Variants in NSD2 observed in about 807,000 individuals in gnomAD.
The protein encoded by NSD2 is nuclear receptor binding SET domain protein 2.
A neutral mutation model predicts 139.0 loss-of-function variants in NSD2; 12 were observed. That is an observed-to-expected ratio of 0.09 (90% CI 0.06 to 0.14). The LOEUF is 0.14. Ranked by LOEUF, NSD2 falls within the 10% of genes least tolerant of loss-of-function variation. The probability of loss-of-function intolerance (pLI) is 1.00; values close to 1 mark genes in which losing one functional copy is unlikely to be tolerated. For synonymous variants in NSD2, 669 were observed against 648.7 expected (o/e 1.03, Z -0.48); for missense variants, 1,155 against 1,745.0 (o/e 0.66, Z 6.02).
chr4:1,900,853 G>T lies in NSD2; in HGVS notation c.199G>T (p.Gly67Cys), dbSNP rs202235551. 5.0e-6 allele frequency: 8 copies of T among 1,613,446 alleles called. No individual in the cohort carries two copies. Among genetic ancestry groups the T allele is most frequent in the Non-Finnish European group, 6.8e-6 (8 of 1,179,722 alleles). The change falls in exon 2 of 22, where the codon GGC becomes TGC. Residue 67 changes from glycine to cysteine, a missense_variant. By Grantham distance (159) the Gly-to-Cys change is radical. Coordinates refer to ENST00000508803, the MANE Select transcript of NSD2 (RefSeq NM_001042424.3). ...GGAGGGGGTCATGCAGAAGTTTAAC[G>T]GCCACGACGCCCTGCCCTTTATTCC... is the stretch of plus-strand genomic sequence containing the variant. ...LQEGVMQKFN[G>C]HDALPFIPAD...
rs1007946328 is a variant in NSD2, at chr4:1,947,918, G to A, written c.1882-3154G>A. 2.0e-5 allele frequency: 21 copies of A among 1,056,524 alleles called. 1 individual carries two copies. Among genetic ancestry groups the A allele is most frequent in the Middle Eastern group, 4.3e-4 (1 of 2,346 alleles). The allele number at this position is 1,056,524 out of a possible 1,614,324, so 65.4% of individuals were successfully genotyped here. A position where few individuals can be genotyped will look rare whatever the true frequency, so the allele number is the denominator to read the frequency against. On this transcript the variant is annotated intron_variant, in intron 9 of 21. Coordinates refer to ENST00000508803, the MANE Select transcript of NSD2 (RefSeq NM_001042424.3). ...GGTGAGCGCTTTGCAGTCACAGAAGGTGGCATCTGACTGCGGCTCATACAG... is the reference window on the plus strand; with the variant it reads ...GGTGAGCGCTTTGCAGTCACAGAAGATGGCATCTGACTGCGGCTCATACAG...
intron 5 of NSD2, among the ~76,000 whole-genome samples, chr4:1,930,091 C>A (rs932848439): frequency 6.6e-6 from 1 of 152,070 alleles, no homozygotes; most frequent in Non-Finnish European, 1.5e-5. Flanking sequence ...AGGGAAGCCT[C>A]GTCTTTTGGC....
intron 18 of NSD2, among the ~76,000 whole-genome samples, chr4:1,966,931 G>C (rs1725949391): frequency 6.6e-6 from 1 of 152,054 alleles, no homozygotes. Flanking sequence ...ATATAATCAA[G>C]TTATAACATT....
intron 3 of NSD2, among the ~76,000 whole-genome samples, chr4:1,913,821 A>G (rs113101869): frequency 3.3e-5 from 5 of 151,474 alleles, no homozygotes; most frequent in African/African-American, 7.3e-5. Context: ...CTTTTCTTCA[A>G]TCTCTTTGTC....
In NSD2 at chr4:1,965,769, G is replaced by A. The variant is rs1216315476; in HGVS notation, c.3372+4618G>A. ...GGTGAAGGGTACCTTTGCACATGGC[G>A]GCAGGAGAGAGAAGTGTGTGAGAGC... On this transcript the variant is annotated intron_variant, in intron 18 of 21. Coordinates refer to ENST00000508803, the MANE Select transcript of NSD2 (RefSeq NM_001042424.3). Among the ~76,000 whole-genome samples, 6 of 152,138 alleles carry A rather than the reference G, an allele frequency of 3.9e-5. No homozygotes were observed. In the South Asian group the frequency reaches 1.2e-3, roughly 32 times the overall value.
intron 4 of NSD2, among the ~76,000 whole-genome samples, chr4:1,917,310 TACAC>T (rs748599545): frequency 6.6e-5 from 10 of 152,252 alleles, no homozygotes; most frequent in South Asian, 2.1e-4. Flanking sequence ...TATATGTGTA[TACAC>T]ACACACAGAC....
chr4:1,924,787 C>T (rs931528185), intron 5 of NSD2, among the ~76,000 whole-genome samples: 1 of 151,784 alleles, frequency 6.6e-6, no homozygotes, highest in South Asian at 2.1e-4. Flanking sequence ...ATTAACGGGG[C>T]ATGATGGTGC....
intron 1 of NSD2, chr4:1,893,999 T>C (rs1300992714): frequency 6.6e-6 from 1 of 152,260 alleles, no homozygotes; most frequent in Non-Finnish European, 1.5e-5. Context: ...GGCATGCTTA[T>C]AGGTTGCTGT....
At position 1,978,824 on chromosome 4, in the gene NSD2, C is replaced by T. The variant is rs1033243246; in HGVS notation, c.4013C>T (p.Thr1338Ile). Residue 1338 changes from threonine to isoleucine, a missense_variant, in exon 22 of 22, where the codon ACT becomes ATT. Coordinates refer to ENST00000508803, the MANE Select transcript of NSD2 (RefSeq NM_001042424.3). ...GCGGCATCGGTCAGAAGCACCAAGACTGAGAAGCCCCCCCCAGAGCCAGGG... is the reference window on the plus strand; with the variant it reads ...GCGGCATCGGTCAGAAGCACCAAGATTGAGAAGCCCCCCCCAGAGCCAGGG... ...LGAASVRSTKTEKPPPEPGKP... is the reference protein window; with the variant it reads ...LGAASVRSTKIEKPPPEPGKP... 1 of 1,607,806 alleles carries T rather than the reference C, an allele frequency of 6.2e-7. No individual in the cohort carries two copies. The highest frequency in any genetic ancestry group is 8.5e-7 in the Non-Finnish European group (1 of 1,175,478).
chr4:1,910,161 T>C (rs900004422), intron 3 of NSD2, among the ~76,000 whole-genome samples: 6 of 152,154 alleles, frequency 3.9e-5, no homozygotes, highest in African/African-American at 1.4e-4. Flanking sequence ...TGTTGTAATT[T>C]ACAGCAGCAG....
chr4:1,940,471 A>C (rs1306031531), intron 9 of NSD2: 4 of 1,062,452 alleles, frequency 3.8e-6, no homozygotes, highest in Non-Finnish European at 4.6e-6. Context: ...TGCCGTTGCC[A>C]AAAACAACAA....
At chr4:1,899,994 T>C (rs1481980018) in intron 1 of NSD2, among the ~76,000 whole-genome samples, 1 of 152,226 alleles carries the variant, frequency 6.6e-6, no homozygotes, top group Admixed American at 6.5e-5. Context: ...CTGGGATTGC[T>C]TTCACCCTTG....
chr4:1,944,645 A>C (rs1394444722), intron 9 of NSD2: 3 of 1,063,008 alleles, frequency 2.8e-6, no homozygotes, highest in Admixed American at 5.4e-5. Context: ...ACTCCATTGT[A>C]ATAGGGTGGC....
chr4:1,903,820 C>T (rs1398010869), intron 2 of NSD2, among the ~76,000 whole-genome samples: 3 of 151,364 alleles, frequency 2.0e-5, no homozygotes, highest in African/African-American at 7.3e-5. Context: ...CTGCAAGCTC[C>T]GCCTCCCGGG....
intron 5 of NSD2, among the ~76,000 whole-genome samples, chr4:1,928,721 G>T (rs1307697458): frequency 6.6e-6 from 1 of 152,160 alleles, no homozygotes; most frequent in Non-Finnish European, 1.5e-5. Flanking sequence ...TGGAGTCATG[G>T]TGGGTGATGG....
chr4:1,952,002 A>C (rs973110602), intron 10 of NSD2, 106 bp from the exon 11 acceptor site: 15 of 1,512,878 alleles, frequency 9.9e-6, no homozygotes, highest in Admixed American at 2.1e-5. Flanking sequence ...TGAGTAGCAA[A>C]ATGGGATTTT....
chr4:1,890,971 G>A (rs976780818), intron 1 of NSD2, among the ~76,000 whole-genome samples: 2 of 152,070 alleles, frequency 1.3e-5, no homozygotes, highest in African/African-American at 4.8e-5. Flanking sequence ...TTGGCTCACT[G>A]CAGTCTCCAC....
intron 5 of NSD2, among the ~76,000 whole-genome samples, chr4:1,920,846 C>T (rs948780471): frequency 6.6e-6 from 1 of 151,180 alleles, no homozygotes; most frequent in African/African-American, 2.4e-5. Flanking sequence ...CCAGCCTGGG[C>T]AACATGAAAC....
At chr4:1,918,784 C>T in intron 5 of NSD2, 161 bp downstream of exon 5, 1 of 1,001,222 alleles carries the variant, frequency 1.0e-6, no homozygotes, top group East Asian at 2.7e-5. Context: ...GCCATTCTGA[C>T]CCTTGAGGGA....
Sources: allele counts gnomAD v4.1 joint callset (sites outside exome capture counted in the v4.1 genomes callset), GRCh38; gene constraint gnomAD v4.1.1; transcripts MANE v1.5; gene names NCBI Gene and HGNC (gene_info 2026-07-23, HGNC 2026-07-21).